Variants in TMEM233 observed in about 807,000 individuals in gnomAD.
TMEM233 encodes transmembrane protein 233, also known as dispanin subfamily B member 2.
A neutral mutation model predicts 11.2 loss-of-function variants in TMEM233; 6 were observed. The observed-to-expected ratio is 0.54, with a 90% CI of 0.29 to 1.06. The LOEUF is 1.06. TMEM233 is among the 50% of genes least tolerant of loss of function. TMEM233 has a pLI of 0.08. For missense variants in TMEM233, 127 were observed against 144.7 expected (o/e 0.88, Z 0.63); for synonymous variants, 59 against 55.8 (o/e 1.06, Z -0.26).
chr12:119,599,273 T>A lies in TMEM233; in HGVS notation c.186+5239T>A, dbSNP rs562992281. Among the ~76,000 whole-genome samples the A allele has an allele frequency of 3.9e-5, 6 of 152,270 alleles. No individual in the cohort carries two copies. The South Asian group carries it at 1.2e-3, about 32-fold the overall frequency. The stretch of plus-strand genomic sequence containing the variant: ...TAATAACTTAATTGTAATTTTTAAA[T>A]AACTTAAAGAGTGTAATTGCATTGT... On this transcript the variant is annotated intron_variant, in intron 1 of 2. Transcript: ENST00000426426.
chr12:119,624,150 A>G (rs1458802135), intron 1 of TMEM233, among the ~76,000 whole-genome samples: 1 of 151,554 alleles, frequency 6.6e-6, no homozygotes, highest in Non-Finnish European at 1.5e-5. Context: ...AGGAGTTTGA[A>G]ACCAGCCTGG....
chr12:119,639,125 G>T (rs1398262520), intron 2 of TMEM233, among the ~76,000 whole-genome samples: 1 of 152,058 alleles, frequency 6.6e-6, no homozygotes, highest in African/African-American at 2.4e-5. Flanking sequence ...CCAAACAGCT[G>T]GTTCCCATTT....
intron 1 of TMEM233, among the ~76,000 whole-genome samples, chr12:119,629,086 G>T (rs1365281842): frequency 1.3e-5 from 2 of 152,170 alleles, no homozygotes; most frequent in African/African-American, 4.8e-5. Context: ...CTTCTACATG[G>T]CAAGTATTGC....
At chr12:119,631,485 C>A (rs55842819) in intron 2 of TMEM233, 63 of 985,014 alleles carry the variant, frequency 6.4e-5, no homozygotes, top group Non-Finnish European at 2.2e-5. Flanking sequence ...TGGCTTTGGC[C>A]AAATAAAAGA....
intron 2 of TMEM233, among the ~76,000 whole-genome samples, chr12:119,637,892 T>A (rs1190237130): frequency 1.3e-5 from 2 of 152,236 alleles, no homozygotes; most frequent in Non-Finnish European, 2.9e-5. Context: ...ATCCTACATA[T>A]TTTTGTCTGG....
At chr12:119,633,847 T>C (rs538496610) in intron 2 of TMEM233, among the ~76,000 whole-genome samples, 2 of 152,202 alleles carry the variant, frequency 1.3e-5, no homozygotes, top group Non-Finnish European at 2.9e-5. Context: ...ACCCAAGCTT[T>C]AGACTCCATA....
At chr12:119,637,582 T>C (rs1051809638) in intron 2 of TMEM233, among the ~76,000 whole-genome samples, 5 of 152,222 alleles carry the variant, frequency 3.3e-5, no homozygotes, top group African/African-American at 1.2e-4. Flanking sequence ...CTTTTCTATA[T>C]TTTTGGCTGG....
Position 119,642,354 on chromosome 12 carries a change from G to C in TMEM233, c.*1649G>C, listed in dbSNP as rs1955094561. ...CCCAGCTAATAGAGAGGCTGAGGCAGGAGAATCACTTGAATCCAGAAGGCG... is the reference window on the plus strand; with the variant it reads ...CCCAGCTAATAGAGAGGCTGAGGCACGAGAATCACTTGAATCCAGAAGGCG... On this transcript the variant is annotated 3_prime_UTR_variant, in exon 3 of 3. Coordinates refer to ENST00000426426, the MANE Select transcript of TMEM233 (RefSeq NM_001136534.3). 6.6e-6 allele frequency: 1 copy of C among 152,150 alleles called. No homozygotes were observed. The highest frequency in any genetic ancestry group is 1.5e-5 in the Non-Finnish European group (1 of 68,078). 9.4% of individuals were successfully genotyped at this position (152,150 alleles called of 1,614,324 possible).
intron 2 of TMEM233, among the ~76,000 whole-genome samples, chr12:119,631,898 C>T (rs926622683): frequency 6.6e-6 from 1 of 152,082 alleles, no homozygotes; most frequent in Non-Finnish European, 1.5e-5. Context: ...AGTGGGTGCA[C>T]AAAAATGTAA....
At chr12:119,617,555 C>G (rs535513245) in intron 1 of TMEM233, among the ~76,000 whole-genome samples, 1 of 152,120 alleles carries the variant, frequency 6.6e-6, no homozygotes, top group Non-Finnish European at 1.5e-5. Context: ...AAACCCCAGC[C>G]GGGCACGGTG....
Position 119,593,914 on chromosome 12 carries a change from T to C in TMEM233, c.66T>C (p.Thr22=), listed in dbSNP as rs942682386. The C allele has an allele frequency of 1.3e-6, 2 of 1,551,716 alleles. No homozygotes were observed. Among genetic ancestry groups the C allele is most frequent in the Non-Finnish European group, 1.7e-6 (2 of 1,146,974 alleles). Residue 22 remains threonine (T), a synonymous_variant, in exon 1 of 3, where the codon ACT becomes ACC. Transcript: ENST00000426426. This position sits in a 1 kb window ranked among gnomAD's most constrained non-coding sequence, Gnocchi z 4.1. The stretch of plus-strand genomic sequence containing the variant: ...TGGACAGCAGTCCCGAGGCCAACAC[T>C]GAAGATGACAAGACCGAGGAGGACG... ...RALDSSPEAN[T]EDDKTEEDVP...
At chr12:119,600,277 A>G (rs1359389184) in intron 1 of TMEM233, among the ~76,000 whole-genome samples, 3 of 151,972 alleles carry the variant, frequency 2.0e-5, no homozygotes, top group African/African-American at 4.8e-5. Context: ...TAGCATCCCC[A>G]GAGAATAAGA....
downstream of TMEM233, among the ~76,000 whole-genome samples, chr12:119,644,158 T>G (rs980151884): frequency 6.6e-6 from 1 of 152,054 alleles, no homozygotes; most frequent in African/African-American, 2.4e-5. Context: ...AACAAACAGG[T>G]GTGGCCACTG....
the TMEM233 span, among the ~76,000 whole-genome samples, chr12:119,651,359 G>GCCTC: frequency 6.6e-6 from 1 of 152,138 alleles, no homozygotes; most frequent in Non-Finnish European, 1.5e-5. Context: ...GAGAAGGAAG[G>GCCTC]CCTCTCTACC....
intron 2 of TMEM233, among the ~76,000 whole-genome samples, chr12:119,633,484 G>A (rs1405041593): frequency 6.6e-6 from 1 of 152,144 alleles, no homozygotes; most frequent in Non-Finnish European, 1.5e-5. Context: ...CTATTTGGAA[G>A]GCTGAGATGG....
chr12:119,645,676 G>A (rs770541571), downstream of TMEM233, among the ~76,000 whole-genome samples: 3 of 152,054 alleles, frequency 2.0e-5, no homozygotes, highest in Non-Finnish European at 4.4e-5. Flanking sequence ...GTTTCATCTC[G>A]AGTACCTGTT....
chr12:119,619,969 G>A (rs1954609477), intron 1 of TMEM233, among the ~76,000 whole-genome samples: 1 of 152,086 alleles, frequency 6.6e-6, no homozygotes, highest in South Asian at 2.1e-4. Flanking sequence ...AAAGGGTATG[G>A]GTACAAAACT....
chr12:119,630,694 T>C (rs1954861398), intron 2 of TMEM233, among the ~76,000 whole-genome samples: 1 of 152,258 alleles, frequency 6.6e-6, no homozygotes, highest in Non-Finnish European at 1.5e-5. Flanking sequence ...GGCTTTTTAC[T>C]GCCTAGCGAC....
At position 119,641,694 on chromosome 12, in the gene TMEM233, G is replaced by C. The variant is rs1451090835; in HGVS notation, c.*989G>C. The C allele has an allele frequency of 6.6e-6, 1 of 152,184 alleles. No individual in the cohort carries two copies. Among genetic ancestry groups the C allele is most frequent in the Non-Finnish European group, 1.5e-5 (1 of 68,040 alleles). 9.4% of individuals were successfully genotyped at this position (152,184 alleles called of 1,614,324 possible). A position where few individuals can be genotyped will look rare whatever the true frequency, so the allele number is the denominator to read the frequency against. Reference sequence around the variant, plus strand: ...ACGCAGTAACCCAGTGTCTCACAGAGCACAAGGGGTGTGCCACTGGTGGTA... The same window carrying C: ...ACGCAGTAACCCAGTGTCTCACAGACCACAAGGGGTGTGCCACTGGTGGTA... On this transcript the variant is annotated 3_prime_UTR_variant, in exon 3 of 3. Coordinates refer to ENST00000426426, the MANE Select transcript of TMEM233 (RefSeq NM_001136534.3).
Sources: allele counts gnomAD v4.1 joint callset (sites outside exome capture counted in the v4.1 genomes callset), GRCh38; gene constraint gnomAD v4.1.1; non-coding constraint Gnocchi (gnomAD v3.1); transcripts MANE v1.5; gene names NCBI Gene and HGNC (gene_info 2026-07-23, HGNC 2026-07-21).